The following EPB41L2 variants were observed in gnomAD, a reference collection of about 807,000 sequenced individuals.
EPB41L2 encodes the protein band 4.1-like protein 2.
In EPB41L2, 43 loss-of-function variants were observed where a neutral mutation model predicts 113.0. The ratio of observed to expected loss-of-function variants is 0.38; its 90% CI spans 0.30 to 0.49. EPB41L2 has a LOEUF of 0.49. Among genes scored for constraint, EPB41L2 ranks in the 20% least tolerant of loss-of-function variants. EPB41L2 has a pLI of 0.95. For synonymous variants in EPB41L2, 442 were observed against 436.7 expected (o/e 1.01, Z -0.15); for missense variants, 1,147 against 1,223.4 (o/e 0.94, Z 0.93).
chr6:130,928,398 A>G (rs1322288771), intron 3 of EPB41L2, among the ~76,000 whole-genome samples: 1 of 152,234 alleles, frequency 6.6e-6, no homozygotes, highest in African/African-American at 2.4e-5. Flanking sequence ...GGGATAACAG[A>G]TAGCAGATAC....
chr6:131,008,886 T>C (rs927901056), intron 1 of EPB41L2, among the ~76,000 whole-genome samples: 2 of 152,224 alleles, frequency 1.3e-5, no homozygotes, highest in African/African-American at 2.4e-5. Flanking sequence ...TTATCTAGGA[T>C]TAACTAACTT....
intron 3 of EPB41L2, among the ~76,000 whole-genome samples, chr6:130,949,667 A>T (rs2128606110): frequency 6.6e-6 from 1 of 152,136 alleles, no homozygotes; most frequent in Middle Eastern, 3.4e-3. Flanking sequence ...CGAGAAAATT[A>T]AAACTGAATG....
At chr6:131,055,104 C>T (rs1284124627) in intron 1 of EPB41L2, among the ~76,000 whole-genome samples, 1 of 152,162 alleles carries the variant, frequency 6.6e-6, no homozygotes, top group African/African-American at 2.4e-5. Flanking sequence ...ATTCTTTTGG[C>T]CTCCAACAAG....
In EPB41L2 at chr6:130,839,503, A is replaced by G. The variant is rs1774896265; in HGVS notation, c.*1101T>C. On this transcript the variant is annotated 3_prime_UTR_variant, in exon 20 of 20. Transcript: ENST00000337057. ...TGTTCAATATAGTTAATAAGTCCCTATCGGGTCTCTGGTGCCAGCTTTAAA... is the reference window on the plus strand; with the variant it reads ...TGTTCAATATAGTTAATAAGTCCCTGTCGGGTCTCTGGTGCCAGCTTTAAA... 6.6e-6 allele frequency: 1 copy of G among 152,202 alleles called. No homozygotes were observed. The highest frequency in any genetic ancestry group is 2.1e-4 in the South Asian group (1 of 4,836). The allele number at this position is 152,202 out of a possible 1,614,324, so 9.4% of individuals were successfully genotyped here. A position where few individuals can be genotyped will look rare whatever the true frequency, so the allele number is the denominator to read the frequency against.
At chr6:130,948,849 G>A (rs1326754711) in intron 3 of EPB41L2, among the ~76,000 whole-genome samples, 1 of 152,204 alleles carries the variant, frequency 6.6e-6, no homozygotes, top group Non-Finnish European at 1.5e-5. Context: ...TTCTGCACAT[G>A]TGTGCATCTA....
intron 1 of EPB41L2, among the ~76,000 whole-genome samples, chr6:131,026,541 G>A (rs1417577154): frequency 2.0e-5 from 3 of 152,196 alleles, no homozygotes; most frequent in Non-Finnish European, 4.4e-5. Flanking sequence ...CTGAATCTGT[G>A]TATCTAAAGC....
intron 3 of EPB41L2, among the ~76,000 whole-genome samples, chr6:130,929,023 T>A (rs996465941): frequency 2.0e-5 from 3 of 152,228 alleles, no homozygotes; most frequent in African/African-American, 7.2e-5. Context: ...TATTCTTTCC[T>A]TCTCTCTCCA....
chr6:130,895,386 A>G (rs929288230), intron 8 of EPB41L2, among the ~76,000 whole-genome samples: 1 of 152,216 alleles, frequency 6.6e-6, no homozygotes, highest in Admixed American at 6.5e-5. Context: ...GGCGTAATGC[A>G]TATGTTCTCA....
At chr6:130,934,194 A>T (rs1807954252) in intron 3 of EPB41L2, among the ~76,000 whole-genome samples, 1 of 152,138 alleles carries the variant, frequency 6.6e-6, no homozygotes, top group Non-Finnish European at 1.5e-5. Context: ...TTTCTTACCA[A>T]TCTAAGGGAG....
rs533207405 is a variant in EPB41L2 at position 130,908,589 on chromosome 6, G to A, written c.853+232C>T. 3.9e-5 allele frequency among the ~76,000 whole-genome samples: 6 copies of A among 152,248 alleles called. 1 individual carries two copies. The South Asian group carries it at 1.2e-3, about 32-fold the overall frequency. Reference sequence around the variant, plus strand: ...GAAAAAAAATGTCAGATGTTACTTGGTAGGACATTCTGAGTGAATATTTAG... The same window carrying A: ...GAAAAAAAATGTCAGATGTTACTTGATAGGACATTCTGAGTGAATATTTAG... On this transcript the variant is annotated intron_variant, in intron 5 of 19. Transcript: ENST00000337057.
At chr6:130,880,966 G>A (rs1283043485) in intron 12 of EPB41L2, 1 of 153,694 alleles carries the variant, frequency 6.5e-6, no homozygotes, top group Non-Finnish European at 1.4e-5. Flanking sequence ...GAGGGGGATT[G>A]GCTTATTTAA....
chr6:130,916,998 G>C (rs1801312278), intron 4 of EPB41L2, among the ~76,000 whole-genome samples: 2 of 152,142 alleles, frequency 1.3e-5, no homozygotes, highest in Admixed American at 6.5e-5. Context: ...AGAAAGCCCT[G>C]GCAGGGCACA....
At chr6:130,962,502 C>T (rs1773837094) in intron 1 of EPB41L2, among the ~76,000 whole-genome samples, 1 of 152,150 alleles carries the variant, frequency 6.6e-6, no homozygotes, top group African/African-American at 2.4e-5. Flanking sequence ...TTCATATTAT[C>T]TATATGGGGA....
intron 1 of EPB41L2, among the ~76,000 whole-genome samples, chr6:131,042,833 A>G (rs945451291): frequency 2.6e-5 from 4 of 152,244 alleles, no homozygotes; most frequent in Non-Finnish European, 5.9e-5. Context: ...TTACTAAGAC[A>G]GCTGCTTTCT....
At chr6:131,021,429 C>T (rs1789453552) in intron 1 of EPB41L2, among the ~76,000 whole-genome samples, 1 of 152,174 alleles carries the variant, frequency 6.6e-6, no homozygotes, top group South Asian at 2.1e-4. Flanking sequence ...GCAAGGTATA[C>T]ACCCCAAAAT....
At chr6:130,922,911 T>G (rs1803357273) in intron 4 of EPB41L2, among the ~76,000 whole-genome samples, 1 of 152,152 alleles carries the variant, frequency 6.6e-6, no homozygotes, top group Non-Finnish European at 1.5e-5. Flanking sequence ...GGAGTATTTG[T>G]TCCATGCAAG....
At chr6:130,954,069 T>C (rs1378092783) in intron 3 of EPB41L2, among the ~76,000 whole-genome samples, 3 of 117,222 alleles carry the variant, frequency 2.6e-5, no homozygotes, top group Non-Finnish European at 5.0e-5. Flanking sequence ...TTTTTTTTTT[T>C]TGAGACGGAG....
chr6:130,883,547 T>A (rs1457498148), intron 12 of EPB41L2, among the ~76,000 whole-genome samples: 2 of 152,186 alleles, frequency 1.3e-5, no homozygotes, highest in African/African-American at 4.8e-5. Context: ...CAAGGAGGAT[T>A]TCCTTTGAAA....
chr6:130,880,298 C>A, intron 12 of EPB41L2, 92 bp from the exon 13 acceptor site: 2 of 797,432 alleles, frequency 2.5e-6, no homozygotes, highest in South Asian at 3.2e-5. Flanking sequence ...GTTCGACAGT[C>A]TAAGACATTA....
Sources: allele counts gnomAD v4.1 joint callset (sites outside exome capture counted in the v4.1 genomes callset), GRCh38; gene constraint gnomAD v4.1.1; transcripts MANE v1.5; gene names NCBI Gene and HGNC (gene_info 2026-07-23, HGNC 2026-07-21).